The following PTK7 variants were observed in gnomAD, a reference collection of about 807,000 sequenced individuals.
PTK7 encodes the protein protein tyrosine kinase 7 (inactive).
A neutral mutation model predicts 116.6 loss-of-function variants in PTK7; 39 were observed. The ratio of observed to expected loss-of-function variants is 0.33; its 90% CI spans 0.26 to 0.44. The LOEUF (loss-of-function observed/expected upper bound fraction) is 0.44, where lower values mean the gene tolerates loss of function less well. Among genes scored for constraint, PTK7 ranks in the 20% least tolerant of loss-of-function variants. The pLI is 1.00. For missense variants in PTK7, 1,169 were observed against 1,425.6 expected (o/e 0.82, Z 2.90); for synonymous variants, 546 against 563.6 (o/e 0.97, Z 0.44).
chr6:43,081,653 C>T (rs970250043), intron 1 of PTK7, among the ~76,000 whole-genome samples: 1 of 152,204 alleles, frequency 6.6e-6, no homozygotes, highest in Non-Finnish European at 1.5e-5. Flanking sequence ...GATCTGCCCA[C>T]TTCAGCCTCC....
intron 1 of PTK7, among the ~76,000 whole-genome samples, chr6:43,080,360 C>CA (rs1040125861): frequency 6.6e-6 from 1 of 151,876 alleles, no homozygotes; most frequent in Non-Finnish European, 1.5e-5. Context: ...TCAAAAAAAA[C>CA]AAAAAAATCT....
intron 1 of PTK7, among the ~76,000 whole-genome samples, chr6:43,083,924 C>A (rs922483471): frequency 6.6e-6 from 1 of 151,572 alleles, no homozygotes; most frequent in Non-Finnish European, 1.5e-5. Context: ...ATATGTGTTT[C>A]TCAAATTAGA....
At chr6:43,138,211 C>T (rs1418091544) in intron 7 of PTK7, among the ~76,000 whole-genome samples, 1 of 151,690 alleles carries the variant, frequency 6.6e-6, no homozygotes, top group African/African-American at 2.4e-5. Context: ...ATGGGGGTTT[C>T]ACTCTGTTGC....
Position 43,139,018 on chromosome 6 carries a change from G to T in PTK7, c.1362+36G>T, listed in dbSNP as rs879045482. 1 of 1,608,828 alleles carries T rather than the reference G, an allele frequency of 6.2e-7. No homozygotes were observed. Among genetic ancestry groups the T allele is most frequent in the South Asian group, 1.1e-5 (1 of 90,632 alleles). ...AGAGTGTTGCTAGTGGATGGGCGGGGCCTTCCCTCCACTTGCCCTCTTCTG... is the reference window on the plus strand; with the variant it reads ...AGAGTGTTGCTAGTGGATGGGCGGGTCCTTCCCTCCACTTGCCCTCTTCTG... On this transcript the variant is annotated intron_variant, in intron 8 of 19. Transcript: ENST00000230419. The surrounding 1 kb of genome is among the most constrained non-coding windows in gnomAD (Gnocchi z 4.6).
At chr6:43,101,872 T>A (rs780431987) in intron 1 of PTK7, among the ~76,000 whole-genome samples, 2 of 152,208 alleles carry the variant, frequency 1.3e-5, no homozygotes, top group Non-Finnish European at 2.9e-5. Context: ...AATGCATGGG[T>A]GGCTTACCCT....
intron 1 of PTK7, among the ~76,000 whole-genome samples, chr6:43,097,525 G>C (rs1381596850): frequency 6.6e-6 from 1 of 152,176 alleles, no homozygotes; most frequent in Non-Finnish European, 1.5e-5. Context: ...GCTTTCATCA[G>C]ATTCTTAACA....
At chr6:43,152,733 A>AG (rs1474355080) in intron 17 of PTK7, among the ~76,000 whole-genome samples, 18 of 127,378 alleles carry the variant, frequency 1.4e-4, no homozygotes, top group Admixed American at 3.3e-4. Flanking sequence ...ATTTTATTTT[A>AG]TTTATGTTAT....
chr6:43,132,748 T>G (rs1196280640), intron 7 of PTK7, 61 bp downstream of exon 7: 1 of 1,548,970 alleles, frequency 6.5e-7, no homozygotes, highest in South Asian at 1.2e-5. Flanking sequence ...CTGGGTGTGA[T>G]GGACAGAGGC....
In PTK7 at chr6:43,141,032, C is replaced by A. The variant is rs1343115414; in HGVS notation, c.1619-636C>A. Among the ~76,000 whole-genome samples, 1 of 151,914 alleles carries A rather than the reference C, an allele frequency of 6.6e-6. No individual in the cohort carries two copies. The highest frequency in any genetic ancestry group is 1.5e-5 in the Non-Finnish European group (1 of 68,018). On this transcript the variant is annotated intron_variant, in intron 10 of 19. Transcript: ENST00000230419. This position sits in a 1 kb window ranked among gnomAD's most constrained non-coding sequence, Gnocchi z 4.9. The stretch of plus-strand genomic sequence containing the variant: ...GAGATTTGGGTTGTTAACCAGCCAC[C>A]CACCCACCCCCTTTTTTTTCATTGC...
intron 1 of PTK7, among the ~76,000 whole-genome samples, chr6:43,127,343 T>C (rs1273154122): frequency 6.6e-6 from 1 of 152,196 alleles, no homozygotes; most frequent in African/African-American, 2.4e-5. Context: ...CCACGCGGGC[T>C]AGGAACAAAG....
chr6:43,130,583 A>G lies in PTK7; in HGVS notation c.734A>G (p.His245Arg). Residue 245 changes from histidine to arginine, a missense_variant, in exon 5 of 20, where the codon CAT becomes CGT. Physicochemically the swap from His to Arg is conservative, Grantham distance 29. This residue lies in a region of PTK7 where 487 missense variants were observed against 549.8 expected (regional missense o/e 0.89). Transcript: ENST00000230419. The stretch of plus-strand genomic sequence containing the variant: ...GCGAGGTATGAGGAGGCCATGTTCC[A>G]TTGCCAGTTCTCAGCCCAGCCACCC... ...VVARYEEAMFHCQFSAQPPPS... is the reference protein window; with the variant it reads ...VVARYEEAMFRCQFSAQPPPS... 6.2e-7 allele frequency: 1 copy of G among 1,614,112 alleles called. No individual in the cohort carries two copies. Among genetic ancestry groups the G allele is most frequent in the Non-Finnish European group, 8.5e-7 (1 of 1,180,008 alleles).
In PTK7 at chr6:43,129,488, G is replaced by C. The variant is rs1044702390; in HGVS notation, c.367+224G>C. 2.7e-6 allele frequency: 2 copies of C among 746,252 alleles called. No homozygotes were observed. Among genetic ancestry groups the C allele is most frequent in the South Asian group, 3.8e-5 (2 of 52,028 alleles). 46.2% of individuals were successfully genotyped at this position (746,252 alleles called of 1,614,324 possible). A position where few individuals can be genotyped will look rare whatever the true frequency, so the allele number is the denominator to read the frequency against. On this transcript the variant is annotated intron_variant, in intron 2 of 19. Coordinates refer to ENST00000230419, the MANE Select transcript of PTK7 (RefSeq NM_002821.5). This position sits in a 1 kb window ranked among gnomAD's most constrained non-coding sequence, Gnocchi z 4.5. ...TCTGGGACCCATTTATCTGCTGCATGCTTGTGCAAATGGAAAGGGCGGCCG... is the reference window on the plus strand; with the variant it reads ...TCTGGGACCCATTTATCTGCTGCATCCTTGTGCAAATGGAAAGGGCGGCCG...
chr6:43,144,201 T>G (rs1000378913), intron 14 of PTK7: 5 of 523,688 alleles, frequency 9.5e-6, no homozygotes, highest in African/African-American at 7.6e-5. Context: ...AGATTAGATG[T>G]CTGCAGTTGG....
chr6:43,104,567 C>G (rs150699783), intron 1 of PTK7, among the ~76,000 whole-genome samples: 20 of 151,850 alleles, frequency 1.3e-4, no homozygotes, highest in African/African-American at 4.8e-4. Flanking sequence ...CATGCCACCA[C>G]GCCTAGCTAA....
chr6:43,154,491 T>A (rs1239098621), intron 17 of PTK7, among the ~76,000 whole-genome samples: 1 of 152,254 alleles, frequency 6.6e-6, no homozygotes. Flanking sequence ...TATATATTTT[T>A]AAAATGAAAA....
chr6:43,124,066 G>A (rs938371499), intron 1 of PTK7, among the ~76,000 whole-genome samples: 2 of 152,148 alleles, frequency 1.3e-5, no homozygotes, highest in African/African-American at 4.8e-5. Context: ...GGGGGCTTGT[G>A]TGCAGTGGAG....
At chr6:43,108,968 G>C (rs1434094922) in intron 1 of PTK7, among the ~76,000 whole-genome samples, 1 of 152,130 alleles carries the variant, frequency 6.6e-6, no homozygotes, top group Non-Finnish European at 1.5e-5. Flanking sequence ...TTCAAGAAAG[G>C]GAAAAATAAA....
chr6:43,152,412 C>T (rs1003092074), intron 17 of PTK7, among the ~76,000 whole-genome samples: 1 of 152,186 alleles, frequency 6.6e-6, no homozygotes, highest in African/African-American at 2.4e-5. Flanking sequence ...TGCCTGTAGT[C>T]CTGCTACTTG....
At chr6:43,081,985 C>T (rs1766405897) in intron 1 of PTK7, among the ~76,000 whole-genome samples, 1 of 152,072 alleles carries the variant, frequency 6.6e-6, no homozygotes. Context: ...TAGCTTTCTC[C>T]AAGTTCTGTG....
Sources: allele counts gnomAD v4.1 joint callset (sites outside exome capture counted in the v4.1 genomes callset), GRCh38; gene constraint gnomAD v4.1.1; regional missense constraint gnomAD v4.1.1; non-coding constraint Gnocchi (gnomAD v3.1); transcripts MANE v1.5; gene names NCBI Gene and HGNC (gene_info 2026-07-23, HGNC 2026-07-21).